Variants in HYDIN observed in about 807,000 individuals in gnomAD.
The protein encoded by HYDIN is HYDIN axonemal central pair apparatus protein, also known as axonemal central pair apparatus protein HYDIN.
In HYDIN, 132 loss-of-function variants were observed where a neutral mutation model predicts 403.9. The ratio of observed to expected loss-of-function variants is 0.33; its 90% CI spans 0.28 to 0.38. The LOEUF is 0.38. HYDIN is among the 10% of genes least tolerant of loss of function. The pLI, the probability that HYDIN is intolerant of heterozygous loss-of-function variation, is 1.00. For synonymous variants in HYDIN, 1,202 were observed against 1,891.7 expected, an observed-to-expected ratio of 0.64 and a Z score of 9.46; for missense variants, 2,827 against 5,009.5, an observed-to-expected ratio of 0.56 and a Z score of 13.15.
intron 84 of HYDIN, among the ~76,000 whole-genome samples, chr16:70,813,432 G>C (rs1350622725): frequency 7.9e-5 from 12 of 152,200 alleles, no homozygotes; most frequent in South Asian, 4.1e-4. Context: ...TCTGGAGACA[G>C]AAAATCTAGC....
At chr16:71,139,081 T>C (rs1384999462) in intron 7 of HYDIN, among the ~76,000 whole-genome samples, 1 of 131,804 alleles carries the variant, frequency 7.6e-6, no homozygotes, top group East Asian at 2.2e-4. Context: ...CAAAACTCTG[T>C]CTCAAATAAA....
chr16:71,152,136 C>T (rs1378087762), intron 7 of HYDIN, among the ~76,000 whole-genome samples: 2 of 150,530 alleles, frequency 1.3e-5, no homozygotes, highest in Non-Finnish European at 3.0e-5. Flanking sequence ...TGGGGATGGG[C>T]TCCTTCCTGA....
At chr16:70,835,261 G>A (rs1480295765) in intron 78 of HYDIN, among the ~76,000 whole-genome samples, 8 of 151,938 alleles carry the variant, frequency 5.3e-5, no homozygotes, top group African/African-American at 1.9e-4. Flanking sequence ...CTCCCAAAGT[G>A]TTGGGATTAC....
Position 70,882,812 on chromosome 16 carries a change from T to G in HYDIN, c.10063A>C (p.Ile3355Leu). 6.6e-7 allele frequency: 1 copy of G among 1,515,512 alleles called. No individual in the cohort carries two copies. Among genetic ancestry groups the G allele is most frequent in the Non-Finnish European group, 9.2e-7 (1 of 1,090,140 alleles). 93.9% of individuals were successfully genotyped at this position (1,515,512 alleles called of 1,614,324 possible). Residue 3355 changes from isoleucine to leucine, a missense_variant, in exon 60 of 86, where the codon ATA (isoleucine) becomes CTA (leucine). Transcript: ENST00000393567. ...TCGACGAACAGCCCCCCGCTCTCTA[T>G]GGTCTGCAGGATGTGGTGCAGGTTG... is the stretch of plus-strand genomic sequence containing the variant. ...SANLHHILQT[I>L]ESGGLFVEDE... is the part of the protein sequence containing the mutation.
rs1174747426 is a variant in HYDIN at position 70,827,323 on chromosome 16, CAG to C, written c.14363_14364del (p.Ser4788TrpfsTer3). 8 of 361,700 alleles carry C rather than the reference CAG, an allele frequency of 2.2e-5. No homozygotes were observed. The highest frequency in any genetic ancestry group is 6.2e-5 in the African/African-American group (1 of 16,186). 22.4% of individuals were successfully genotyped at this position (361,700 alleles called of 1,614,324 possible). On this transcript the variant is annotated frameshift_variant, in exon 83 of 86. Transcript: ENST00000393567. LOFTEE classifies it high-confidence loss of function. ...TTCAGCTTGTAGTCTTTCTTAGAGCCAGACAGTACATCAATGTAATCAAGGCC... is the reference window on the plus strand; with the variant it reads ...TTCAGCTTGTAGTCTTTCTTAGAGCCACAGTACATCAATGTAATCAAGGCC... Reference protein sequence around the residue: ...MKGLDYIDVLSGSKKDYKLNF... With the variant: ...MKGLDYIDVLXGSKKDYKLNF...
chr16:70,920,945 C>T lies in HYDIN; in HGVS notation c.7431G>A (p.Lys2477=), dbSNP rs756932017. The T allele has an allele frequency of 3.1e-6, 5 of 1,612,456 alleles. No individual in the cohort carries two copies. The highest frequency in any genetic ancestry group is 4.5e-5 in the East Asian group (2 of 44,850). ...VQNILMYWDR[K]QGVQLPPAGM... ...CTGCAGGAGGCAGCTGGACTCCTTGCTTCCGGTCCCAGTACATGAGGATGT... is the reference window on the plus strand; with the variant it reads ...CTGCAGGAGGCAGCTGGACTCCTTGTTTCCGGTCCCAGTACATGAGGATGT... Residue 2477 remains lysine, a synonymous_variant, in exon 46 of 86, where the codon AAG becomes AAA. Transcript: ENST00000393567.
At chr16:70,822,768 C>T (rs1240194827) in intron 83 of HYDIN, among the ~76,000 whole-genome samples, 2 of 152,214 alleles carry the variant, frequency 1.3e-5, no homozygotes, top group Non-Finnish European at 2.9e-5. Flanking sequence ...AAGATTATGA[C>T]TCACTGAAGG....
chr16:70,885,091 C>T (rs930358471), intron 58 of HYDIN, among the ~76,000 whole-genome samples: 4 of 151,398 alleles, frequency 2.6e-5, no homozygotes, highest in South Asian at 2.1e-4. Context: ...GCTACCTATC[C>T]GTGAGTGATA....
chr16:71,202,822 G>C (rs900037501), intron 1 of HYDIN, among the ~76,000 whole-genome samples: 1 of 152,146 alleles, frequency 6.6e-6, no homozygotes, highest in Admixed American at 6.5e-5. Flanking sequence ...TGGCTATCCA[G>C]TGTAATTCCC....
At chr16:70,992,335 G>T in intron 23 of HYDIN, 125 bp from the exon 24 acceptor site, 4 of 1,352,724 alleles carry the variant, frequency 3.0e-6, no homozygotes, top group Non-Finnish European at 3.9e-6. Context: ...ATCTAGTAGG[G>T]ACCACCCTAC....
Position 70,874,848 on chromosome 16 carries a change from G to C in HYDIN, c.10629C>G (p.Tyr3543Ter), listed in dbSNP as rs369331443. ...CATGTGGTTTATTTTCCTCTGTGAT[G>C]TAGATATACGCGGTGGTGGGCCTCC... The part of the protein sequence containing the change: ...LKGRPTTAYI[Y>*]ITEENKPHVK... Residue 3543 changes from tyrosine (Y) to a stop codon, truncating the protein, a stop_gained, in exon 63 of 86, where the codon TAC (tyrosine) becomes TAG (stop). Coordinates refer to ENST00000393567, the MANE Select transcript of HYDIN (RefSeq NM_001270974.2). LOFTEE classifies it high-confidence loss of function. 6.2e-7 allele frequency: 1 copy of C among 1,613,620 alleles called. No homozygotes were observed. Among genetic ancestry groups the C allele is most frequent in the Non-Finnish European group, 8.5e-7 (1 of 1,179,854 alleles).
Position 71,186,804 on chromosome 16 carries a change from G to C in HYDIN, c.92C>G (p.Pro31Arg), listed in dbSNP as rs2087175027. Reference protein sequence around the residue: ...FKGFQSKVLPPLSPKVVTEEE... With the variant: ...FKGFQSKVLPRLSPKVVTEEE... ...TTCTGTAACCACCTTTGGACTCAGG[G>C]GTGGCAAAACCTTGCTTTGAAATCC... Residue 31 changes from proline (P) to arginine (R), a missense_variant, in exon 2 of 86, where the codon CCC (proline) becomes CGC (arginine). By Grantham distance (103) the Pro-to-Arg change is moderately radical. Transcript: ENST00000393567. 1.2e-6 allele frequency: 2 copies of C among 1,613,288 alleles called. No homozygotes were observed. Among genetic ancestry groups the C allele is most frequent in the African/African-American group, 2.7e-5 (2 of 74,862 alleles).
intron 20 of HYDIN, among the ~76,000 whole-genome samples, chr16:71,026,361 T>C (rs2080699268): frequency 6.6e-6 from 1 of 152,224 alleles, no homozygotes; most frequent in South Asian, 2.1e-4. Flanking sequence ...GGGATGTTAA[T>C]GCATTCCAGT....
chr16:71,076,409 C>T (rs1379273618), intron 13 of HYDIN, among the ~76,000 whole-genome samples: 1 of 120,388 alleles, frequency 8.3e-6, no homozygotes, highest in Non-Finnish European at 1.6e-5. Flanking sequence ...AAAGGACAAG[C>T]CATCAGTGTT....
intron 1 of HYDIN, among the ~76,000 whole-genome samples, chr16:71,207,185 G>A (rs1055938252): frequency 6.6e-6 from 1 of 152,174 alleles, no homozygotes; most frequent in Admixed American, 6.5e-5. Flanking sequence ...ATAAAGGACA[G>A]GTCACCTACA....
chr16:70,814,643 G>GA (rs923332786), intron 84 of HYDIN, among the ~76,000 whole-genome samples: 1 of 66,280 alleles, frequency 1.5e-5, no homozygotes, highest in Admixed American at 1.8e-4. Context: ...CTCCTGCACT[G>GA]AGAGAAATTT....
intron 84 of HYDIN, among the ~76,000 whole-genome samples, chr16:70,811,076 A>C (rs182203948): frequency 1.3e-5 from 2 of 152,316 alleles, no homozygotes; most frequent in Admixed American, 1.3e-4. Context: ...ATATACTTTT[A>C]TATAGGTAAA....
chr16:71,201,111 C>G (rs918225897), intron 1 of HYDIN, among the ~76,000 whole-genome samples: 4 of 152,162 alleles, frequency 2.6e-5, no homozygotes, highest in African/African-American at 7.2e-5. Context: ...TCTCTGACAT[C>G]CCCTTCTTAT....
At chr16:71,226,875 T>G (rs1276207255) in intron 1 of HYDIN, among the ~76,000 whole-genome samples, 1 of 152,182 alleles carries the variant, frequency 6.6e-6, no homozygotes, top group Non-Finnish European at 1.5e-5. Flanking sequence ...TTCCCTGGTA[T>G]TTAAATCTCC....
Sources: gnomAD v4.1 joint callset for allele counts (sites outside exome capture counted in the v4.1 genomes callset) on GRCh38, gnomAD v4.1.1 for gene constraint, MANE v1.5 for transcripts, NCBI Gene and HGNC (gene_info 2026-07-23, HGNC 2026-07-21) for gene names.